The following MAGI2 variants were observed in gnomAD, a reference collection of about 807,000 sequenced individuals.
The protein encoded by MAGI2 is membrane-associated guanylate kinase, WW and PDZ domain-containing protein 2.
Under a neutral mutation model 133.3 loss-of-function variants are expected in MAGI2, and 35 were observed. The observed-to-expected ratio is 0.26, with a 90% CI of 0.20 to 0.35. The LOEUF (loss-of-function observed/expected upper bound fraction) is 0.35. MAGI2 is among the 10% of genes least tolerant of loss of function. The probability of loss-of-function intolerance (pLI) is 1.00; values close to 1 mark genes in which losing one functional copy is unlikely to be tolerated. For synonymous variants in MAGI2, 729 were observed against 710.6 expected (o/e 1.03, Z -0.41); for missense variants, 1,636 against 1,863.4 (o/e 0.88, Z 2.25).
At chr7:78,990,201 A>G (rs1366178309) in intron 2 of MAGI2, among the ~76,000 whole-genome samples, 2 of 152,102 alleles carry the variant, frequency 1.3e-5, no homozygotes, top group Admixed American at 1.3e-4. Context: ...TGAGTCATAG[A>G]GAGGATACTA....
At chr7:78,916,602 G>A (rs909327268) in intron 2 of MAGI2, among the ~76,000 whole-genome samples, 17 of 152,196 alleles carry the variant, frequency 1.1e-4, no homozygotes, top group African/African-American at 4.1e-4. Flanking sequence ...AAACCTTTCA[G>A]GATGATGAAT....
chr7:78,057,997 A>ATGTGTGTGTGTGTGTGTGTGTGTGTG (rs369803912), intron 21 of MAGI2, among the ~76,000 whole-genome samples: 3,422 of 39,952 alleles, frequency 0.086, 284 homozygotes, highest in East Asian at 0.14. Flanking sequence ...ATATATATAT[A>ATGTGTGTGTGTGTGTGTGTGTGTGTG]TATATATGTA....
At chr7:79,131,598 C>A (rs1338529017) in intron 1 of MAGI2, among the ~76,000 whole-genome samples, 1 of 152,090 alleles carries the variant, frequency 6.6e-6, no homozygotes. Context: ...AATGTTAGAG[C>A]CTGAATTTGA....
chr7:78,196,453 A>G (rs962432568), intron 11 of MAGI2, among the ~76,000 whole-genome samples: 7 of 152,184 alleles, frequency 4.6e-5, no homozygotes, highest in Non-Finnish European at 1.0e-4. Flanking sequence ...CAGTTTTGAT[A>G]TACACTACAT....
At chr7:78,073,676 A>G (rs367858890) in intron 21 of MAGI2, among the ~76,000 whole-genome samples, 20 of 152,348 alleles carry the variant, frequency 1.3e-4, no homozygotes, top group African/African-American at 4.8e-4. Context: ...TCTGTGGCTC[A>G]GTTGATAAAT....
chr7:78,809,752 C>A (rs1161964505), intron 2 of MAGI2, among the ~76,000 whole-genome samples: 1 of 151,918 alleles, frequency 6.6e-6, no homozygotes, highest in African/African-American at 2.4e-5. Flanking sequence ...AAGAAGGAAA[C>A]AGCGTGTGAA....
At chr7:78,090,892 A>G (rs1333740643) in intron 20 of MAGI2, among the ~76,000 whole-genome samples, 1 of 152,160 alleles carries the variant, frequency 6.6e-6, no homozygotes, top group African/African-American at 2.4e-5. Context: ...TTTTGCATTT[A>G]CCAGTCCTGT....
At chr7:78,535,878 C>T (rs77104002) in intron 3 of MAGI2, among the ~76,000 whole-genome samples, 7,050 of 137,234 alleles carry the variant, frequency 0.051, 253 homozygotes, top group Middle Eastern at 0.12. Context: ...GTACACCCCC[C>T]CCGCCCACCG....
intron 1 of MAGI2, among the ~76,000 whole-genome samples, chr7:79,158,021 G>C (rs908440774): frequency 2.7e-5 from 4 of 149,870 alleles, no homozygotes; most frequent in Non-Finnish European, 5.9e-5. Flanking sequence ...TGTTTAATTG[G>C]CAGTTAAATT....
intron 2 of MAGI2, among the ~76,000 whole-genome samples, chr7:78,747,533 A>C (rs1315122509): frequency 1.3e-5 from 2 of 152,148 alleles, no homozygotes; most frequent in Non-Finnish European, 1.5e-5. Flanking sequence ...AGAAAAAAAA[A>C]ATCAAATAAA....
intron 2 of MAGI2, among the ~76,000 whole-genome samples, chr7:78,805,037 CA>C (rs1380589581): frequency 6.6e-6 from 1 of 150,646 alleles, no homozygotes; most frequent in African/African-American, 2.4e-5. Context: ...CATTGCACTC[CA>C]GCCTGGGCGA....
In MAGI2 at chr7:78,575,128, G is replaced by C. The variant is rs1802130103; in HGVS notation, c.538+51992C>G. On this transcript the variant is annotated intron_variant, in intron 3 of 21. Transcript: ENST00000354212. Reference sequence around the variant, plus strand: ...ACAACACAGGGTTGCCACATTTCTTGGCCCTCTAAGGATATTAAACAAACA... The same window carrying C: ...ACAACACAGGGTTGCCACATTTCTTCGCCCTCTAAGGATATTAAACAAACA... Among the ~76,000 whole-genome samples, 5 of 146,356 alleles carry C rather than the reference G, an allele frequency of 3.4e-5. No individual in the cohort carries two copies. In the South Asian group the frequency reaches 1.1e-3, roughly 33 times the overall value.
At chr7:78,377,474 T>G (rs1282595851) in intron 6 of MAGI2, among the ~76,000 whole-genome samples, 1 of 151,664 alleles carries the variant, frequency 6.6e-6, no homozygotes, top group Non-Finnish European at 1.5e-5. Context: ...GGGTTGACAG[T>G]GAGCAGAATA....
intron 2 of MAGI2, among the ~76,000 whole-genome samples, chr7:78,971,387 G>A (rs1803772691): frequency 6.6e-6 from 1 of 151,868 alleles, no homozygotes; most frequent in Non-Finnish European, 1.5e-5. Flanking sequence ...GCAAATAAAG[G>A]AAAATAATTC....
At chr7:79,102,584 C>T (rs1251339307) in intron 1 of MAGI2, among the ~76,000 whole-genome samples, 2 of 152,112 alleles carry the variant, frequency 1.3e-5, no homozygotes, top group African/African-American at 4.8e-5. Context: ...TAAGAAAGAG[C>T]TTATTTCTAT....
At chr7:78,053,637 C>T (rs1812252028) in intron 21 of MAGI2, among the ~76,000 whole-genome samples, 1 of 152,152 alleles carries the variant, frequency 6.6e-6, no homozygotes, top group African/African-American at 2.4e-5. Flanking sequence ...CTGGCAGGAC[C>T]AGATGGTTTC....
chr7:79,338,016 G>T (rs1840568631), intron 1 of MAGI2, among the ~76,000 whole-genome samples: 2 of 152,110 alleles, frequency 1.3e-5, no homozygotes, highest in South Asian at 4.1e-4. Flanking sequence ...CATCCTTTGT[G>T]ATAGCGTCTA....
At chr7:78,528,760 C>G (rs1797193000) in intron 3 of MAGI2, among the ~76,000 whole-genome samples, 1 of 152,076 alleles carries the variant, frequency 6.6e-6, no homozygotes, top group African/African-American at 2.4e-5. Flanking sequence ...ATGTAGTTAG[C>G]AGCTTGAAAC....
chr7:78,175,098 T>G (rs1331239540), intron 14 of MAGI2, among the ~76,000 whole-genome samples: 1 of 152,224 alleles, frequency 6.6e-6, no homozygotes, highest in African/African-American at 2.4e-5. Context: ...AGCACTTTCT[T>G]GAGTTCTGAG....
Sources: allele counts gnomAD v4.1 joint callset (sites outside exome capture counted in the v4.1 genomes callset), GRCh38; gene constraint gnomAD v4.1.1; transcripts MANE v1.5; gene names NCBI Gene and HGNC (gene_info 2026-07-23, HGNC 2026-07-21).